The following LAMA5 variants were observed in gnomAD, a reference collection of about 807,000 sequenced individuals.
The protein encoded by LAMA5 is laminin subunit alpha 5.
In LAMA5, 260 loss-of-function variants were observed where a neutral mutation model predicts 433.4. The observed-to-expected ratio is 0.60, with a 90% CI of 0.54 to 0.66. LAMA5 has a LOEUF of 0.66. Among genes scored for constraint, LAMA5 ranks in the 30% least tolerant of loss-of-function variants. The probability of loss-of-function intolerance (pLI) is 0.00; values close to 1 mark genes in which losing one functional copy is unlikely to be tolerated. For synonymous variants in LAMA5, 2,620 were observed against 2,226.6 expected, an observed-to-expected ratio of 1.18 and a Z score of -4.97; for missense variants, 5,378 against 5,258.5, an observed-to-expected ratio of 1.02 and a Z score of -0.70.
Position 62,310,678 on chromosome 20 carries a change from C to G in LAMA5, c.10433G>C (p.Ser3478Thr), listed in dbSNP as rs772483268. ...GATGGTTCTCACCGGAAGTTTGGAG[C>G]TGTGGCTGCTGGCCGGGAGGCCGCC... The part of the protein sequence containing the change: ...FVGGLPASSH[S>T]SKLPVTVGFS... Residue 3478 changes from serine to threonine, a missense_variant, in exon 75 of 80, where the codon AGC becomes ACC. Coordinates refer to ENST00000252999, the MANE Select transcript of LAMA5 (RefSeq NM_005560.6). The G allele has an allele frequency of 1.2e-6, 2 of 1,603,196 alleles. No homozygotes were observed. The highest frequency in any genetic ancestry group is 1.7e-6 in the Non-Finnish European group (2 of 1,178,438).
rs1181081987 is a variant in LAMA5 at position 62,319,000 on chromosome 20, C to T, written c.6885G>A (p.Gln2295=). Residue 2295 remains glutamine, a synonymous_variant, in exon 52 of 80, where the codon CAG becomes CAA. Coordinates refer to ENST00000252999, the MANE Select transcript of LAMA5 (RefSeq NM_005560.6). ...CATTGGCCAGCCCCAGGTGGCCCGT[C>T]TGGGACATGAGCTCTGTGGGGCAGG... ...VDRTLSELMS[Q]TGHLGLANAS... The T allele has an allele frequency of 6.3e-7, 1 of 1,585,548 alleles. No individual in the cohort carries two copies. Among genetic ancestry groups the T allele is most frequent in the East Asian group, 2.3e-5 (1 of 44,046 alleles).
intron 55 of LAMA5, 52 bp downstream of exon 55, chr20:62,317,293 C>G: frequency 6.6e-7 from 1 of 1,516,426 alleles, no homozygotes; most frequent in South Asian, 1.2e-5. Flanking sequence ...TCCCAAGGCC[C>G]TGTCTGCATC....
At position 62,322,268 on chromosome 20, in the gene LAMA5, C is replaced by T. The variant is rs1021212013; in HGVS notation, c.6346+1G>A. 6 of 1,592,178 alleles carry T rather than the reference C, an allele frequency of 3.8e-6. No homozygotes were observed. Among genetic ancestry groups the T allele is most frequent in the Admixed American group, 1.7e-5 (1 of 58,312 alleles). The stretch of plus-strand genomic sequence containing the variant: ...CCCTCCTGTGACCGGCCAGCACTCA[C>T]GCCTGCAGCCCTGCTCAGGGAGCCC... On this transcript the variant is annotated splice_donor_variant, in intron 47 of 79. Transcript: ENST00000252999. LOFTEE classifies it high-confidence loss of function.
chr20:62,354,042 C>T (rs1259751236), intron 2 of LAMA5, among the ~76,000 whole-genome samples: 1 of 152,124 alleles, frequency 6.6e-6, no homozygotes, highest in Non-Finnish European at 1.5e-5. Context: ...CCCAGGCCTC[C>T]GAAACCCCAA....
rs1185636135 is a variant in LAMA5 at position 62,335,243 on chromosome 20, G to A, written c.2350C>T (p.Leu784=). The change falls in exon 19 of 80, where the codon CTG becomes TTG. Residue 784 remains leucine, a synonymous_variant. Transcript: ENST00000252999. ...GGCTGGCACTCAGCAACTCCACCCA[G>A]TGTGCCCCTGAGGTCGCAGCTGCAG... ...TRCSCDLRGT[L]GGVAECQPGT... is the part of the protein sequence containing the mutation. 2.5e-6 allele frequency: 4 copies of A among 1,612,522 alleles called. No individual in the cohort carries two copies. The highest frequency in any genetic ancestry group is 3.4e-6 in the Non-Finnish European group (4 of 1,179,562).
At position 62,310,162 on chromosome 20, in the gene LAMA5, C is replaced by A. The variant is rs1398567251; in HGVS notation, c.10734+16G>T. ...AGGCAAACCCTGCCCTGGCACGCCA[C>A]CTCTGCCAGGCTTACTTGCTTCTCG... On this transcript the variant is annotated intron_variant, in intron 77 of 79. Transcript: ENST00000252999. 1.2e-6 allele frequency: 2 copies of A among 1,612,078 alleles called. No homozygotes were observed. Among genetic ancestry groups the A allele is most frequent in the African/African-American group, 1.3e-5 (1 of 74,936 alleles).
chr20:62,356,652 G>A (rs546256481), intron 2 of LAMA5, among the ~76,000 whole-genome samples: 33 of 152,266 alleles, frequency 2.2e-4, no homozygotes, highest in African/African-American at 7.5e-4. Context: ...GCCTCACAGG[G>A]GGTGGGCAAG....
chr20:62,316,911 C>A lies in LAMA5; in HGVS notation c.7624G>T (p.Ala2542Ser). The change falls in exon 56 of 80, where the codon GCC becomes TCC. Residue 2542 changes from alanine to serine, a missense_variant. By Grantham distance (99) the Ala-to-Ser change is moderately conservative. Coordinates refer to ENST00000252999, the MANE Select transcript of LAMA5 (RefSeq NM_005560.6). ...CACGTGTGGTCCGCCTGCTGCAGGGCCTGGCCAGCAGCATCCTCGGCAGCC... is the reference window on the plus strand; with the variant it reads ...CACGTGTGGTCCGCCTGCTGCAGGGACTGGCCAGCAGCATCCTCGGCAGCC... ...VQAAEDAAGQ[A>S]LQQADHTWAT... 6.5e-7 allele frequency: 1 copy of A among 1,544,050 alleles called. No individual in the cohort carries two copies.
At position 62,327,495 on chromosome 20, in the gene LAMA5, C is replaced by T. The variant is rs200947770; in HGVS notation, c.4938+34G>A. The T allele has an allele frequency of 8.6e-5, 139 of 1,611,472 alleles. 1 individual carries two copies. The East Asian group carries it at 1.3e-3, about 15-fold the overall frequency. Reference sequence around the variant, plus strand: ...CATCCAGTCCCACCTAAGACCTCCCCGAGAAGGCAATGCCCTCAGTCCTGC... The same window carrying T: ...CATCCAGTCCCACCTAAGACCTCCCTGAGAAGGCAATGCCCTCAGTCCTGC... On this transcript the variant is annotated intron_variant, in intron 37 of 79. Transcript: ENST00000252999.
intron 23 of LAMA5, 45 bp from the exon 24 acceptor site, chr20:62,333,751 C>A: frequency 6.6e-7 from 1 of 1,522,658 alleles, no homozygotes; most frequent in Non-Finnish European, 8.8e-7. Flanking sequence ...GCCCTTGGGG[C>A]CACCCCAGGC....
chr20:62,313,570 G>T (rs1007523767), intron 63 of LAMA5, 79 bp downstream of exon 63: 2 of 1,466,032 alleles, frequency 1.4e-6, no homozygotes, highest in Non-Finnish European at 1.9e-6. Flanking sequence ...GATACCAAAA[G>T]AACCCGCGGC....
At chr20:62,348,969 G>A (rs1414697394) in intron 6 of LAMA5, among the ~76,000 whole-genome samples, 1 of 152,112 alleles carries the variant, frequency 6.6e-6, no homozygotes, top group Non-Finnish European at 1.5e-5. Context: ...GGATGGTCTT[G>A]AATTAATAAT....
At chr20:62,363,583 C>T (rs1986396370) in intron 1 of LAMA5, among the ~76,000 whole-genome samples, 1 of 152,028 alleles carries the variant, frequency 6.6e-6, no homozygotes, top group South Asian at 2.1e-4. Flanking sequence ...GTCCTGGCTG[C>T]TCCCCCGCCC....
At chr20:62,319,646 T>G in intron 51 of LAMA5, 38 bp downstream of exon 51, 1 of 1,449,396 alleles carries the variant, frequency 6.9e-7, no homozygotes, top group Non-Finnish European at 9.4e-7. Flanking sequence ...GCAGCCCTCC[T>G]GGCTCTGAGC....
Position 62,311,011 on chromosome 20 carries a change from G to T in LAMA5, c.10172C>A (p.Ser3391Tyr). The T allele has an allele frequency of 6.2e-7, 1 of 1,610,350 alleles. No homozygotes were observed. Among genetic ancestry groups the T allele is most frequent in the Non-Finnish European group, 8.5e-7 (1 of 1,178,776 alleles). Residue 3391 changes from serine (S) to tyrosine (Y), a missense_variant, in exon 74 of 80, where the codon TCC becomes TAC. Ser to Tyr is a moderately radical substitution (Grantham distance 144). Transcript: ENST00000252999. Reference protein sequence around the residue: ...FTARLRPGSPSLALFLSNGHF... With the variant: ...FTARLRPGSPYLALFLSNGHF... ...GCCATTGCTCAGGAAGAGCGCCAGG[G>T]AGGGGCTGCCGGGCCTCAGACGGGC... is the stretch of plus-strand genomic sequence containing the variant.
In LAMA5 at chr20:62,318,467, AGGCGCTCCT is replaced by A; in HGVS notation, c.7217_7225del (p.Gln2406_Arg2408del). Reference sequence around the variant, plus strand: ...CGGGGTCCTCACCAGGGCTTCCTCCAGGCGCTCCTGGTTGCGGCTGTTGAGCTCCTGGGC... The same window carrying A: ...CGGGGTCCTCACCAGGGCTTCCTCCAGGTTGCGGCTGTTGAGCTCCTGGGC... On this transcript the variant is annotated inframe_deletion, in exon 53 of 80. Transcript: ENST00000252999. 6.2e-7 allele frequency: 1 copy of A among 1,602,728 alleles called. No individual in the cohort carries two copies. Among genetic ancestry groups the A allele is most frequent in the Non-Finnish European group, 8.5e-7 (1 of 1,177,034 alleles).
Position 62,362,474 on chromosome 20 carries a change from G to A in LAMA5, c.376C>T (p.Arg126Cys), listed in dbSNP as rs375754480. 1.6e-5 allele frequency: 25 copies of A among 1,604,032 alleles called. No homozygotes were observed. In the African/African-American group the frequency reaches 1.6e-4, roughly 10 times the overall value. The change falls in exon 2 of 80, where the codon CGC (arginine) becomes TGC (cysteine). Residue 126 changes from arginine to cysteine, a missense_variant. Physicochemically the swap from Arg to Cys is radical, Grantham distance 180. Coordinates refer to ENST00000252999, the MANE Select transcript of LAMA5 (RefSeq NM_005560.6). ...PASNAIDGTE[R>C]WWQSPPLSRG... ...GACAGCGGTGGACTCTGCCACCAGC[G>A]CTCCGTGCCATCGATGGCATTGCTC...
rs1167410468 is a variant in LAMA5 at position 62,319,801 on chromosome 20, G to A, written c.6760-6C>T. On this transcript the variant is annotated splice_region_variant and splice_polypyrimidine_tract_variant and intron_variant, in intron 50 of 79. Coordinates refer to ENST00000252999, the MANE Select transcript of LAMA5 (RefSeq NM_005560.6). ...TGGTCTCGGGTCCCCACGGCCTGTG[G>A]AGGAAGAGCCCACTAGCCCACGCTG... The A allele has an allele frequency of 1.2e-5, 19 of 1,542,736 alleles. No homozygotes were observed. The highest frequency in any genetic ancestry group is 5.5e-5 in the African/African-American group (4 of 72,976).
In LAMA5 at chr20:62,346,588, G is replaced by A. The variant is rs1568965908; in HGVS notation, c.1200C>T (p.Thr400=). 5.6e-6 allele frequency: 9 copies of A among 1,601,084 alleles called. No homozygotes were observed. The highest frequency in any genetic ancestry group is 7.7e-6 in the Non-Finnish European group (9 of 1,174,188). The change falls in exon 9 of 80, where the codon ACC becomes ACT. Residue 400 remains threonine (T), a synonymous_variant. Transcript: ENST00000252999. ...GGVCIDCQHH[T]TGVNCERCLP... is the part of the protein sequence containing the mutation. ...GGCAGCGCTCACAGTTGACGCCGGT[G>A]GTGTGGTGCTGGGAGTGCAATGGCC...
Sources: gnomAD v4.1 joint callset for allele counts (sites outside exome capture counted in the v4.1 genomes callset) on GRCh38, gnomAD v4.1.1 for gene constraint, MANE v1.5 for transcripts, NCBI Gene and HGNC (gene_info 2026-07-23, HGNC 2026-07-21) for gene names.